The following RAPH1 variants were observed in gnomAD, a reference collection of about 807,000 sequenced individuals.
The protein encoded by RAPH1 is ras-associated and pleckstrin homology domains-containing protein 1.
RAPH1 carries 18 observed loss-of-function variants against 88.1 expected under a neutral mutation model. The observed-to-expected ratio is 0.20, with a 90% CI of 0.14 to 0.30. RAPH1 has a LOEUF of 0.30. RAPH1 is among the 10% of genes least tolerant of loss of function. The pLI, the probability that RAPH1 is intolerant of heterozygous loss-of-function variation, is 1.00. For synonymous variants in RAPH1, 587 were observed against 559.0 expected, an observed-to-expected ratio of 1.05 and a Z score of -0.71; for missense variants, 1,448 against 1,543.2, an observed-to-expected ratio of 0.94 and a Z score of 1.03.
intron 4 of RAPH1, among the ~76,000 whole-genome samples, chr2:203,478,402 C>T (rs1357339371): frequency 6.6e-6 from 1 of 152,032 alleles, no homozygotes; most frequent in African/African-American, 2.4e-5. Context: ...CACACTGTAC[C>T]AAAATCACTT....
chr2:203,444,156 G>A (rs1234067784), intron 13 of RAPH1: 1 of 152,154 alleles, frequency 6.6e-6, no homozygotes, highest in Non-Finnish European at 1.5e-5. Flanking sequence ...GAGAGAGGCT[G>A]GGCACGGTGG....
intron 1 of RAPH1, among the ~76,000 whole-genome samples, chr2:203,502,910 G>A (rs1447911060): frequency 6.6e-6 from 1 of 152,072 alleles, no homozygotes; most frequent in African/African-American, 2.4e-5. Context: ...TTGGGAGGCC[G>A]AGGCAGGCGG....
intron 1 of RAPH1, among the ~76,000 whole-genome samples, chr2:203,506,866 A>ATCTATATCTATATATC (rs1553630572): frequency 1.1e-5 from 1 of 90,662 alleles, no homozygotes; most frequent in African/African-American, 5.5e-5. Context: ...CTATATATAT[A>ATCTATATCTATATATC]TATATATATA....
intron 4 of RAPH1, among the ~76,000 whole-genome samples, chr2:203,483,643 G>C (rs1687827460): frequency 6.6e-6 from 1 of 152,230 alleles, no homozygotes; most frequent in South Asian, 2.1e-4. Context: ...GGGTATGTCT[G>C]TGAGAGTGTT....
chr2:203,512,597 C>T (rs1375166688), intron 1 of RAPH1, among the ~76,000 whole-genome samples: 1 of 148,094 alleles, frequency 6.8e-6, no homozygotes, highest in African/African-American at 2.5e-5. Context: ...GGTATTTAAA[C>T]AACATATGCT....
At chr2:203,491,366 T>A in intron 2 of RAPH1, 47 bp from the exon 3 acceptor site, 1 of 1,289,106 alleles carries the variant, frequency 7.8e-7, no homozygotes, top group Admixed American at 2.1e-5. Flanking sequence ...CAGGTTTCAA[T>A]AATATAAAAA....
intron 1 of RAPH1, among the ~76,000 whole-genome samples, chr2:203,516,360 T>C (rs1201216265): frequency 6.6e-6 from 1 of 151,980 alleles, no homozygotes. Flanking sequence ...AAAAACAAGG[T>C]CAAGAAATAG....
At chr2:203,510,663 G>C (rs1053898120) in intron 1 of RAPH1, among the ~76,000 whole-genome samples, 2 of 151,870 alleles carry the variant, frequency 1.3e-5, no homozygotes, top group African/African-American at 4.9e-5. Flanking sequence ...AACCAATAGG[G>C]AGTGGTGAGG....
Position 203,440,035 on chromosome 2 carries a change from A to G in RAPH1, c.3155T>C (p.Val1052Ala), listed in dbSNP as rs750559105. 2 of 1,613,746 alleles carry G rather than the reference A, an allele frequency of 1.2e-6. No individual in the cohort carries two copies. The change falls in exon 14 of 14, where the codon GTT becomes GCT. Residue 1052 changes from valine (V) to alanine (A), a missense_variant. By Grantham distance (64) the Val-to-Ala change is moderately conservative. This residue lies in a region of RAPH1 where 935 missense variants were observed against 890.1 expected (regional missense o/e 1.05). Transcript: ENST00000319170. ...QQGCVSAKAP[V>A]LSGRGKDSVV... is the part of the protein sequence containing the mutation. ...GGAGTCCTTTCCACGCCCACTCAGAACAGGGGCTTTTGCTGACACACACCC... is the reference window on the plus strand; with the variant it reads ...GGAGTCCTTTCCACGCCCACTCAGAGCAGGGGCTTTTGCTGACACACACCC...
chr2:203,455,360 C>G (rs75733069), intron 9 of RAPH1, 77 bp downstream of exon 9: 1 of 1,363,538 alleles, frequency 7.3e-7, no homozygotes, highest in Non-Finnish European at 1.0e-6. Flanking sequence ...CCTGGGTTCA[C>G]CTTGTCAGCA....
At chr2:203,514,842 C>T (rs940974718) in intron 1 of RAPH1, among the ~76,000 whole-genome samples, 1 of 152,226 alleles carries the variant, frequency 6.6e-6, no homozygotes, top group East Asian at 1.9e-4. Context: ...GCATGAGCCA[C>T]CGCACCTGGC....
chr2:203,532,793 C>T lies in RAPH1; in HGVS notation c.-1+2318G>A, dbSNP rs191855015. On this transcript the variant is annotated intron_variant, in intron 1 of 13. Transcript: ENST00000319170. Reference sequence around the variant, plus strand: ...AGAAGCAGTGATCTAATCCAAACTTCTCATTTTATAGGTAAAGGAATTAAG... The same window carrying T: ...AGAAGCAGTGATCTAATCCAAACTTTTCATTTTATAGGTAAAGGAATTAAG... 3.4e-3 allele frequency among the ~76,000 whole-genome samples: 519 copies of T among 152,258 alleles called. 3 individuals are homozygous for T. The highest frequency in any genetic ancestry group is 6.0e-3 in the Non-Finnish European group (411 of 68,008).
chr2:203,440,304 C>T lies in RAPH1; in HGVS notation c.2886G>A (p.Lys962=). ...KSGSPGKKTS[K]TSSPGGKKPP... ...GTTTCTTTCCCCCAGGGCTGGACGT[C>T]TTACTGGTCTTTTTGCCTGGAGATC... is the stretch of plus-strand genomic sequence containing the variant. Residue 962 remains lysine (K), a synonymous_variant, in exon 14 of 14, where the codon AAG becomes AAA. Coordinates refer to ENST00000319170, the MANE Select transcript of RAPH1 (RefSeq NM_213589.3). 2 of 1,612,930 alleles carry T rather than the reference C, an allele frequency of 1.2e-6. No individual in the cohort carries two copies. Among genetic ancestry groups the T allele is most frequent in the Non-Finnish European group, 1.7e-6 (2 of 1,179,624 alleles).
intron 4 of RAPH1, among the ~76,000 whole-genome samples, chr2:203,482,327 A>C (rs1049236435): frequency 1.3e-5 from 2 of 152,238 alleles, no homozygotes; most frequent in Non-Finnish European, 2.9e-5. Context: ...CTGGGATTAC[A>C]GGTGCCCGCC....
In RAPH1 at chr2:203,493,343, A is replaced by G. The variant is rs541537577; in HGVS notation, c.120+1891T>C. 9.2e-5 allele frequency among the ~76,000 whole-genome samples: 14 copies of G among 152,250 alleles called. No homozygotes were observed. In the South Asian group the frequency reaches 1.5e-3, roughly 16 times the overall value. On this transcript the variant is annotated intron_variant, in intron 2 of 13. Coordinates refer to ENST00000319170, the MANE Select transcript of RAPH1 (RefSeq NM_213589.3). ...TAGTTCACCCAGAGCAGCTGGACCA[A>G]TATCTACCTGCCTTTTCTCTTTTGG...
chr2:203,523,325 G>A lies in RAPH1; in HGVS notation c.-1+11786C>T, dbSNP rs183158025. Among the ~76,000 whole-genome samples the A allele has an allele frequency of 7.2e-3, 1,087 of 151,678 alleles. 14 individuals carry two copies. Among genetic ancestry groups the A allele is most frequent in the African/African-American group, 0.026 (1,061 of 41,316 alleles). On this transcript the variant is annotated intron_variant, in intron 1 of 13. Coordinates refer to ENST00000319170, the MANE Select transcript of RAPH1 (RefSeq NM_213589.3). ...GGAGAATGGCGTGAATACGGGGGGC[G>A]GAGCTTGCAGTGAGCTGAGATTGTG...
chr2:203,506,733 G>GATATATATCTATATATATATATATCTAT (rs1355621812), intron 1 of RAPH1, among the ~76,000 whole-genome samples: 1 of 106,274 alleles, frequency 9.4e-6, no homozygotes, highest in Non-Finnish European at 1.7e-5. Flanking sequence ...TCCATATATA[G>GATATATATCTATATATATATATATCTAT]ATATATATCT....
intron 4 of RAPH1, among the ~76,000 whole-genome samples, chr2:203,475,796 A>G (rs1487339542): frequency 6.6e-6 from 1 of 151,580 alleles, no homozygotes; most frequent in Non-Finnish European, 1.5e-5. Flanking sequence ...CTTAAACCCA[A>G]AGTTCTTGAT....
At chr2:203,534,277 A>G (rs1373062292) in intron 1 of RAPH1, among the ~76,000 whole-genome samples, 3 of 152,160 alleles carry the variant, frequency 2.0e-5, no homozygotes, top group African/African-American at 4.8e-5. Context: ...GATCTTCCCA[A>G]AGAATTTAAG....
Sources: allele counts gnomAD v4.1 joint callset (sites outside exome capture counted in the v4.1 genomes callset), GRCh38; gene constraint gnomAD v4.1.1; regional missense constraint gnomAD v4.1.1; transcripts MANE v1.5; gene names NCBI Gene and HGNC (gene_info 2026-07-23, HGNC 2026-07-21).